Variants in ROBO2 observed in about 807,000 individuals in gnomAD.
ROBO2 encodes roundabout homolog 2.
In ROBO2, 53 loss-of-function variants were observed where a neutral mutation model predicts 160.8. That is an observed-to-expected ratio of 0.33 (90% CI 0.26 to 0.41). ROBO2 has a LOEUF of 0.41. ROBO2 is among the 10% of genes least tolerant of loss of function. The probability of loss-of-function intolerance (pLI) is 1.00; values close to 1 mark genes in which losing one functional copy is unlikely to be tolerated. For missense variants in ROBO2, 1,577 were observed against 1,722.4 expected (o/e 0.92, Z 1.49); for synonymous variants, 664 against 611.7 (o/e 1.09, Z -1.26).
intron 2 of ROBO2, among the ~76,000 whole-genome samples, chr3:76,652,076 A>T (rs2109897012): frequency 6.6e-6 from 1 of 152,284 alleles, no homozygotes; most frequent in South Asian, 2.1e-4. Flanking sequence ...TGTAGATGGG[A>T]CTTCAAAGCA....
intron 5 of ROBO2, among the ~76,000 whole-genome samples, chr3:77,496,727 A>G (rs1469796303): frequency 6.6e-6 from 1 of 152,104 alleles, no homozygotes; most frequent in Non-Finnish European, 1.5e-5. Context: ...TCTTTTGGAG[A>G]CAAGAAAAGC....
At chr3:76,874,272 C>G (rs966738265) in intron 2 of ROBO2, among the ~76,000 whole-genome samples, 6 of 151,814 alleles carry the variant, frequency 4.0e-5, no homozygotes, top group African/African-American at 1.5e-4. Context: ...TCAGCCCATA[C>G]TTCATCTCAC....
intron 2 of ROBO2, among the ~76,000 whole-genome samples, chr3:76,560,918 A>C (rs2084136191): frequency 7.1e-6 from 1 of 141,334 alleles, no homozygotes; most frequent in African/African-American, 2.6e-5. Context: ...TCCCTCCTTT[A>C]TATATAAGAA....
chr3:76,781,933 A>G (rs2062669250), intron 2 of ROBO2, among the ~76,000 whole-genome samples: 1 of 150,734 alleles, frequency 6.6e-6, no homozygotes, highest in Admixed American at 6.6e-5. Flanking sequence ...GTCAGAGAAG[A>G]TCTGGCATTA....
intron 2 of ROBO2, among the ~76,000 whole-genome samples, chr3:76,246,266 C>T (rs1387645350): frequency 6.6e-6 from 1 of 152,012 alleles, no homozygotes; most frequent in East Asian, 1.9e-4. Context: ...AGTTACTTGT[C>T]ATTTAATTTG....
intron 2 of ROBO2, among the ~76,000 whole-genome samples, chr3:76,565,178 G>T (rs2084436461): frequency 6.6e-6 from 1 of 152,096 alleles, no homozygotes; most frequent in Non-Finnish European, 1.5e-5. Flanking sequence ...ATTCTAATGA[G>T]ATTTCAATGC....
At chr3:76,866,231 A>T (rs2071358112) in intron 2 of ROBO2, among the ~76,000 whole-genome samples, 2 of 152,134 alleles carry the variant, frequency 1.3e-5, no homozygotes, top group African/African-American at 4.8e-5. Flanking sequence ...AAAAAGGAAA[A>T]AAAGAAAAGA....
At chr3:77,585,295 C>T (rs936809529) in intron 16 of ROBO2, among the ~76,000 whole-genome samples, 5 of 150,608 alleles carry the variant, frequency 3.3e-5, no homozygotes, top group East Asian at 1.9e-4. Context: ...TACAAGCATA[C>T]GATATAACCA....
intron 2 of ROBO2, among the ~76,000 whole-genome samples, chr3:76,063,761 A>G (rs373341366): frequency 6.6e-6 from 1 of 152,186 alleles, no homozygotes; most frequent in East Asian, 1.9e-4. Context: ...AAATCTCTGT[A>G]CATCTGTTTT....
At chr3:76,522,882 T>A (rs1489106778) in intron 2 of ROBO2, among the ~76,000 whole-genome samples, 1 of 151,714 alleles carries the variant, frequency 6.6e-6, no homozygotes, top group African/African-American at 2.4e-5. Flanking sequence ...CTCATTTCCA[T>A]ATTAGTTTAT....
At chr3:76,748,564 C>A (rs1467151893) in intron 2 of ROBO2, among the ~76,000 whole-genome samples, 3 of 151,320 alleles carry the variant, frequency 2.0e-5, no homozygotes, top group Non-Finnish European at 3.0e-5. Flanking sequence ...GGAAAAACAA[C>A]ATAATATATT....
chr3:77,321,867 T>A (rs541744167), intron 2 of ROBO2, among the ~76,000 whole-genome samples: 2 of 152,196 alleles, frequency 1.3e-5, no homozygotes, highest in African/African-American at 4.8e-5. Context: ...AGTGGCCCTT[T>A]GTTTGAGACG....
chr3:76,655,465 T>C (rs2109961829), intron 2 of ROBO2, among the ~76,000 whole-genome samples: 1 of 141,614 alleles, frequency 7.1e-6, no homozygotes, highest in Admixed American at 7.2e-5. Context: ...TGGATTTTTT[T>C]CCCTTCAGGA....
rs184147501 is a variant in ROBO2 at position 77,394,328 on chromosome 3, G to A, written c.389-83086G>A. 6.6e-5 allele frequency among the ~76,000 whole-genome samples: 10 copies of A among 152,196 alleles called. No individual in the cohort carries two copies. In the East Asian group the frequency reaches 9.7e-4, roughly 15 times the overall value. On this transcript the variant is annotated intron_variant, in intron 2 of 25. Coordinates refer to ENST00000461745, the Ensembl canonical transcript of ROBO2. The stretch of plus-strand genomic sequence containing the variant: ...CAGTGGCTTCTGGGAGGGAGATGCC[G>A]TTGGCTGGTCGCCTCCCTATTCTTG...
chr3:76,242,941 C>G (rs1358245511), intron 2 of ROBO2, among the ~76,000 whole-genome samples: 5 of 145,812 alleles, frequency 3.4e-5, no homozygotes, highest in African/African-American at 1.2e-4. Context: ...AACAAACAAA[C>G]AAATCCTGAT....
At chr3:77,286,173 C>G (rs904029588) in intron 2 of ROBO2, among the ~76,000 whole-genome samples, 8 of 151,336 alleles carry the variant, frequency 5.3e-5, no homozygotes, top group African/African-American at 1.7e-4. Context: ...AATCATGTAT[C>G]TTGAACATCT....
At chr3:77,225,415 T>C (rs2086362127) in intron 2 of ROBO2, among the ~76,000 whole-genome samples, 1 of 151,978 alleles carries the variant, frequency 6.6e-6, no homozygotes, top group Admixed American at 6.6e-5. Context: ...TCATTCCTTC[T>C]GATAGCTTTT....
chr3:76,032,305 C>G (rs1480122221), intron 2 of ROBO2, among the ~76,000 whole-genome samples: 1 of 151,964 alleles, frequency 6.6e-6, no homozygotes, highest in Non-Finnish European at 1.5e-5. Context: ...TCAAAAAAAC[C>G]AGCGCTTGGA....
chr3:76,388,022 A>G (rs2076973381), intron 2 of ROBO2, among the ~76,000 whole-genome samples: 1 of 152,208 alleles, frequency 6.6e-6, no homozygotes, highest in African/African-American at 2.4e-5. Context: ...TTCAGGCAGT[A>G]AAGTCAGTTA....
Sources: allele counts gnomAD v4.1 joint callset (sites outside exome capture counted in the v4.1 genomes callset), GRCh38; gene constraint gnomAD v4.1.1; transcripts MANE v1.5; gene names NCBI Gene and HGNC (gene_info 2026-07-23, HGNC 2026-07-21).